The following EME2 variants were observed in gnomAD, a reference collection of about 807,000 sequenced individuals.
EME2 encodes the protein structure-specific endonuclease subunit EME2.
In EME2, 58 loss-of-function variants were observed where a neutral mutation model predicts 41.9. The ratio of observed to expected loss-of-function variants is 1.38; its 90% CI spans 1.12 to 1.72. EME2 has a LOEUF of 1.72. Among genes scored for constraint, EME2 ranks in the 40% most tolerant of loss-of-function variants. The probability of loss-of-function intolerance (pLI) is 0.00; values close to 1 mark genes in which losing one functional copy is unlikely to be tolerated. For missense variants in EME2, 695 were observed against 541.9 expected, an observed-to-expected ratio of 1.28 and a Z score of -2.81; for synonymous variants, 334 against 239.3, an observed-to-expected ratio of 1.40 and a Z score of -3.65.
rs756356616 is a variant in EME2, at chr16:1,777,287, C to G, written c.*1049C>G. 5 of 1,610,382 alleles carry G rather than the reference C, an allele frequency of 3.1e-6. No homozygotes were observed. In the African/African-American group the frequency reaches 5.3e-5, roughly 17 times the overall value. On this transcript the variant is annotated 3_prime_UTR_variant, in exon 8 of 8. Coordinates refer to ENST00000568449, the MANE Select transcript of EME2 (RefSeq NM_001257370.2). ...CAGCGGCAGACCCTCCAGCGTGTCT[C>G]CCGAGTCTGGCCGCAGCTGGCGCAG... is the stretch of plus-strand genomic sequence containing the variant.
Position 1,773,438 on chromosome 16 carries a change from C to G in EME2, c.211C>G (p.Gln71Glu), listed in dbSNP as rs776373222. Residue 71 changes from glutamine to glutamate, a missense_variant, in exon 1 of 8, where the codon CAG (glutamine) becomes GAG (glutamate). Transcript: ENST00000568449. ...AEALRLLRPEQVLKRLAVCVD... is the reference protein window; with the variant it reads ...AEALRLLRPEEVLKRLAVCVD... ...GGCGTTGCGGCTGCTGCGGCCGGAG[C>G]AGGTCCTGAAGCGCCTCGCGGTGTG... is the stretch of plus-strand genomic sequence containing the variant. 6.4e-7 allele frequency: 1 copy of G among 1,570,992 alleles called. No homozygotes were observed. The highest frequency in any genetic ancestry group is 1.8e-5 in the Admixed American group (1 of 56,170).
rs1381948766 is a variant in EME2 at position 1,777,398 on chromosome 16, AC to A, written c.*1162del. ...GCTGCTCCGGGCCGCCGTGGAGCAC[AC>A]CATCGGGTAGAATCTCTTGTTCTGC... On this transcript the variant is annotated 3_prime_UTR_variant, in exon 8 of 8. Transcript: ENST00000568449. 1 of 1,579,604 alleles carries A rather than the reference AC, an allele frequency of 6.3e-7. No individual in the cohort carries two copies. Among genetic ancestry groups the A allele is most frequent in the Non-Finnish European group, 8.6e-7 (1 of 1,165,744 alleles).
In EME2 at chr16:1,772,853, G is replaced by C. The variant is rs2042643468; in HGVS notation, c.-375G>C. ...TGAGGCGCCAGTAGCACGGCTCGTCGTGCTGCCACAGCCAGGACTTGCGCG... is the reference window on the plus strand; with the variant it reads ...TGAGGCGCCAGTAGCACGGCTCGTCCTGCTGCCACAGCCAGGACTTGCGCG... On this transcript the variant is annotated 5_prime_UTR_variant, in exon 1 of 8. Coordinates refer to ENST00000568449, the MANE Select transcript of EME2 (RefSeq NM_001257370.2). The C allele has an allele frequency of 6.9e-7, 1 of 1,444,132 alleles. No individual in the cohort carries two copies. Among genetic ancestry groups the C allele is most frequent in the Non-Finnish European group, 9.1e-7 (1 of 1,103,660 alleles). 89.5% of individuals were successfully genotyped at this position (1,444,132 alleles called of 1,614,324 possible).
rs767171526 is a variant in EME2 at position 1,773,194 on chromosome 16, C to A, written c.-34C>A. ...GGTGTCCCAGGCTAAAGTGTTCGGTCGCGGCCGGAAGCGAGGAAGAGGTCG... is the reference window on the plus strand; with the variant it reads ...GGTGTCCCAGGCTAAAGTGTTCGGTAGCGGCCGGAAGCGAGGAAGAGGTCG... On this transcript the variant is annotated 5_prime_UTR_variant, in exon 1 of 8. Transcript: ENST00000568449. 5.6e-5 allele frequency: 80 copies of A among 1,436,072 alleles called. 1 individual carries two copies. Among genetic ancestry groups the A allele is most frequent in the Middle Eastern group, 5.5e-4 (3 of 5,410 alleles). The allele number at this position is 1,436,072 out of a possible 1,614,324, so 89.0% of individuals were successfully genotyped here.
In EME2 at chr16:1,778,663, TCACCCTTGCCCTCTGTCCCTGTCC is replaced by T; in HGVS notation, c.*2432_*2455del. ...TACCTGTTGCCCGCTCTCTACCCTCTCACCCTTGCCCTCTGTCCCTGTCCCACCCTGTCCCTGACCCACCCAGGA... is the reference window on the plus strand; with the variant it reads ...TACCTGTTGCCCGCTCTCTACCCTCTCACCCTGTCCCTGACCCACCCAGGA... On this transcript the variant is annotated 3_prime_UTR_variant, in exon 8 of 8. Coordinates refer to ENST00000568449, the MANE Select transcript of EME2 (RefSeq NM_001257370.2). 6.6e-7 allele frequency: 1 copy of T among 1,509,696 alleles called. No homozygotes were observed. Among genetic ancestry groups the T allele is most frequent in the Admixed American group, 2.0e-5 (1 of 49,336 alleles). 93.5% of individuals were successfully genotyped at this position (1,509,696 alleles called of 1,614,324 possible).
In EME2 at chr16:1,777,126, A is replaced by G; in HGVS notation, c.*888A>G. 2 of 1,611,754 alleles carry G rather than the reference A, an allele frequency of 1.2e-6. No individual in the cohort carries two copies. The highest frequency in any genetic ancestry group is 1.7e-6 in the Non-Finnish European group (2 of 1,179,578). On this transcript the variant is annotated 3_prime_UTR_variant, in exon 8 of 8. Coordinates refer to ENST00000568449, the MANE Select transcript of EME2 (RefSeq NM_001257370.2). ...GTCCGGCGGCAGCGCTTCCTCTGGCAGGGCCGAGGCTCGCGACTGCTGGGG... is the reference window on the plus strand; with the variant it reads ...GTCCGGCGGCAGCGCTTCCTCTGGCGGGGCCGAGGCTCGCGACTGCTGGGG...
chr16:1,781,030 G>A lies in EME2; in HGVS notation c.*4792G>A. 1.6e-6 allele frequency: 1 copy of A among 637,660 alleles called. No individual in the cohort carries two copies. Among genetic ancestry groups the A allele is most frequent in the Non-Finnish European group, 2.4e-6 (1 of 412,810 alleles). 39.5% of individuals were successfully genotyped at this position (637,660 alleles called of 1,614,324 possible). A position where few individuals can be genotyped will look rare whatever the true frequency, so the allele number is the denominator to read the frequency against. ...TTATAGGTGTGAGCCACAGTGCCCA[G>A]CCCCGTAGTGGAGAATTTCTGTTGA... On this transcript the variant is annotated 3_prime_UTR_variant, in exon 8 of 8. Coordinates refer to ENST00000568449, the MANE Select transcript of EME2 (RefSeq NM_001257370.2).
chr16:1,774,341 A>C lies in EME2; in HGVS notation c.466A>C (p.Thr156Pro). Residue 156 changes from threonine (T) to proline (P), a missense_variant, in exon 3 of 8, where the codon ACA becomes CCA. Physicochemically the swap from Thr to Pro is conservative, Grantham distance 38. Transcript: ENST00000568449. ...CGAGGAGTTTCTGCAGGGCGTCGCCACACTGACCCAGGTGCTCGGGTGGTG... is the reference window on the plus strand; with the variant it reads ...CGAGGAGTTTCTGCAGGGCGTCGCCCCACTGACCCAGGTGCTCGGGTGGTG... ...EPEEFLQGVA[T>P]LTQISGPTHW... 1 of 1,612,702 alleles carries C rather than the reference A, an allele frequency of 6.2e-7. No homozygotes were observed. Among genetic ancestry groups the C allele is most frequent in the Non-Finnish European group, 8.5e-7 (1 of 1,179,880 alleles).
At chr16:1,775,767 A>T (rs2745169) in intron 6 of EME2, 30 bp from the exon 7 acceptor site, 12 of 1,611,790 alleles carry the variant, frequency 7.4e-6, no homozygotes, top group Admixed American at 5.0e-5. Context: ...TGCTCACATG[A>T]GGTTCTAAAA....
At chr16:1,774,575 A>C (rs1171106926) in intron 3 of EME2, among the ~76,000 whole-genome samples, 3 of 152,222 alleles carry the variant, frequency 2.0e-5, no homozygotes, top group Non-Finnish European at 4.4e-5. Flanking sequence ...GATCCTGAGA[A>C]GTGTCAGGAG....
rs748524574 is a variant in EME2, at chr16:1,778,523, G to C, written c.*2285G>C. 8.1e-6 allele frequency: 13 copies of C among 1,611,190 alleles called. No homozygotes were observed. The Admixed American group carries it at 1.5e-4, about 19-fold the overall frequency. ...AGGAGGCCTCGCTCTGCCCAGCACA[G>C]TCACAGAAGGACTCGCCGGTCACGG... On this transcript the variant is annotated 3_prime_UTR_variant, in exon 8 of 8. Coordinates refer to ENST00000568449, the MANE Select transcript of EME2 (RefSeq NM_001257370.2).
At chr16:1,775,468 G>A (rs766081974) in intron 5 of EME2, 60 bp downstream of exon 5, 1 of 1,597,438 alleles carries the variant, frequency 6.3e-7, no homozygotes, top group South Asian at 1.1e-5. Flanking sequence ...TTGGGCTGCT[G>A]GCTGGGTTTG....
In EME2 at chr16:1,773,695, C is replaced by T. The variant is rs1368942723; in HGVS notation, c.248-10C>T. 1 of 1,548,272 alleles carries T rather than the reference C, an allele frequency of 6.5e-7. No homozygotes were observed. The highest frequency in any genetic ancestry group is 1.4e-5 in the African/African-American group (1 of 72,968). On this transcript the variant is annotated splice_polypyrimidine_tract_variant and intron_variant, in intron 1 of 7. Coordinates refer to ENST00000568449, the MANE Select transcript of EME2 (RefSeq NM_001257370.2). ...GAAGCAGTGACCGCGCTCCTCTCCC[C>T]CGGTCCCAGCCATCCTGGAAGACGC...
Position 1,776,955 on chromosome 16 carries a change from C to T in EME2, c.*717C>T, listed in dbSNP as rs2042722399. On this transcript the variant is annotated 3_prime_UTR_variant, in exon 8 of 8. Coordinates refer to ENST00000568449, the MANE Select transcript of EME2 (RefSeq NM_001257370.2). ...CCCCCACAGAAAGGACTGTCCCAGC[C>T]TCGGGAGCAAGAGATGGCTCCCTCC... 1.0e-6 allele frequency: 1 copy of T among 966,274 alleles called. No individual in the cohort carries two copies. Among genetic ancestry groups the T allele is most frequent in the South Asian group, 1.7e-5 (1 of 60,186 alleles). 59.9% of individuals were successfully genotyped at this position (966,274 alleles called of 1,614,324 possible). A position where few individuals can be genotyped will look rare whatever the true frequency, so the allele number is the denominator to read the frequency against.
Position 1,777,217 on chromosome 16 carries a change from G to A in EME2, c.*979G>A. 1 of 1,610,600 alleles carries A rather than the reference G, an allele frequency of 6.2e-7. No homozygotes were observed. The highest frequency in any genetic ancestry group is 8.5e-7 in the Non-Finnish European group (1 of 1,179,836). Reference sequence around the variant, plus strand: ...TGCGGCGGCTGCAACTCATGCTCAGGACCCAGCCCAGCTTGTTGTGTAGCA... The same window carrying A: ...TGCGGCGGCTGCAACTCATGCTCAGAACCCAGCCCAGCTTGTTGTGTAGCA... On this transcript the variant is annotated 3_prime_UTR_variant, in exon 8 of 8. Coordinates refer to ENST00000568449, the MANE Select transcript of EME2 (RefSeq NM_001257370.2).
Position 1,773,761 on chromosome 16 carries a change from T to C in EME2, c.304T>C (p.Cys102Arg), listed in dbSNP as rs2042667934. 1 of 1,550,292 alleles carries C rather than the reference T, an allele frequency of 6.5e-7. No homozygotes were observed. Among genetic ancestry groups the C allele is most frequent in the Non-Finnish European group, 8.7e-7 (1 of 1,148,262 alleles). The part of the protein sequence containing the change: ...VLMEALEALG[C>R]ECRIEPQRPA... The stretch of plus-strand genomic sequence containing the variant: ...GATGGAGGCCCTGGAGGCCCTGGGC[T>C]GCGAGTGCCGCATCGAGCCCCAGCG... Residue 102 changes from cysteine (C) to arginine (R), a missense_variant, in exon 2 of 8, where the codon TGC (cysteine) becomes CGC (arginine). Physicochemically the swap from Cys to Arg is radical, Grantham distance 180. Coordinates refer to ENST00000568449, the MANE Select transcript of EME2 (RefSeq NM_001257370.2).
In EME2 at chr16:1,773,008, A is replaced by G. The variant is rs1418965644; in HGVS notation, c.-220A>G. 2 of 1,458,646 alleles carry G rather than the reference A, an allele frequency of 1.4e-6. No homozygotes were observed. The highest frequency in any genetic ancestry group is 1.8e-6 in the Non-Finnish European group (2 of 1,105,878). The allele number at this position is 1,458,646 out of a possible 1,614,324, so 90.4% of individuals were successfully genotyped here. On this transcript the variant is annotated 5_prime_UTR_variant, in exon 1 of 8. Transcript: ENST00000568449. ...GAGAACGGCCGCGTCAAGGTCTCGT[A>G]GTCCACCGCGTAGAGCTGGGAGTCG...
At chr16:1,775,220 G>A in intron 4 of EME2, 88 bp downstream of exon 4, 9 of 1,585,812 alleles carry the variant, frequency 5.7e-6, no homozygotes, top group Non-Finnish European at 7.8e-6. Flanking sequence ...CTGTGGCACA[G>A]CTGATCCCAC....
Position 1,778,885 on chromosome 16 carries a change from G to A in EME2, c.*2647G>A, listed in dbSNP as rs2042753840. ...GGCCTCCAAGTGGTTTCTAGACGGT[G>A]GATAAGCCCCAGGTCCACCCCACCT... On this transcript the variant is annotated 3_prime_UTR_variant, in exon 8 of 8. Transcript: ENST00000568449. 6 of 374,222 alleles carry A rather than the reference G, an allele frequency of 1.6e-5. No individual in the cohort carries two copies. In the South Asian group the frequency reaches 4.3e-4, roughly 27 times the overall value. The allele number at this position is 374,222 out of a possible 1,614,324, so 23.2% of individuals were successfully genotyped here. A position where few individuals can be genotyped will look rare whatever the true frequency, so the allele number is the denominator to read the frequency against.
Sources: allele counts gnomAD v4.1 joint callset (sites outside exome capture counted in the v4.1 genomes callset), GRCh38; gene constraint gnomAD v4.1.1; transcripts MANE v1.5; gene names NCBI Gene and HGNC (gene_info 2026-07-23, HGNC 2026-07-21).